The following SLC23A2 variants were observed in gnomAD, a reference collection of about 807,000 sequenced individuals.
SLC23A2 encodes the protein solute carrier family 23 member 2, also known as Na(+)/L-ascorbic acid transporter 2.
Under a neutral mutation model 73.3 loss-of-function variants are expected in SLC23A2, and 36 were observed. The observed-to-expected ratio is 0.49, with a 90% confidence interval of 0.38 to 0.65. The LOEUF (loss-of-function observed/expected upper bound fraction) is 0.65, where lower values mean the gene tolerates loss of function less well. Among genes scored for constraint, SLC23A2 ranks in the 30% least tolerant of loss-of-function variants. The pLI, the probability that SLC23A2 is intolerant of heterozygous loss-of-function variation, is 0.00. For missense variants in SLC23A2, 507 were observed against 841.6 expected (o/e 0.60, Z 4.92); for synonymous variants, 343 against 327.3 (o/e 1.05, Z -0.52).
chr20:4,857,283 TACACACACACACACACACACACACAC>T lies in SLC23A2; in HGVS notation c.1721-105_1721-80del, dbSNP rs398035250. The T allele has an allele frequency of 2.5e-4, 104 of 421,174 alleles. No homozygotes were observed. Among genetic ancestry groups the T allele is most frequent in the Middle Eastern group, 4.8e-4 (1 of 2,084 alleles). 26.1% of individuals were successfully genotyped at this position (421,174 alleles called of 1,614,324 possible). Reference sequence around the variant, plus strand: ...GAAAATGAAACTGTCGTCAAACACATACACACACACACACACACACACACACACACACACACACACACACACACACA... The same window carrying T: ...GAAAATGAAACTGTCGTCAAACACATACACACACACACACACACACACACA... On this transcript the variant is annotated intron_variant, in intron 16 of 16. Transcript: ENST00000338244. The surrounding 1 kb of genome is among the most constrained non-coding windows in gnomAD (Gnocchi z 4.0).
intron 2 of SLC23A2, among the ~76,000 whole-genome samples, chr20:4,945,751 T>C (rs893146316): frequency 6.6e-6 from 1 of 152,096 alleles, no homozygotes; most frequent in Non-Finnish European, 1.5e-5. Flanking sequence ...AAATGCTTCA[T>C]GCTGTGGGTC....
At chr20:4,991,623 G>A (rs759639160) in intron 1 of SLC23A2, among the ~76,000 whole-genome samples, 4 of 151,834 alleles carry the variant, frequency 2.6e-5, no homozygotes, top group East Asian at 1.9e-4. Flanking sequence ...TCAGGAGGCC[G>A]AGGCAGGAGA....
At chr20:4,986,737 C>G (rs1483021342) in intron 1 of SLC23A2, among the ~76,000 whole-genome samples, 1 of 146,950 alleles carries the variant, frequency 6.8e-6, no homozygotes, top group Non-Finnish European at 1.5e-5. Flanking sequence ...AACAAAAAGT[C>G]TGGAAAATAT....
intron 2 of SLC23A2, among the ~76,000 whole-genome samples, chr20:4,956,249 T>C (rs1427379992): frequency 1.3e-5 from 2 of 152,254 alleles, no homozygotes; most frequent in Admixed American, 6.5e-5. Context: ...ATGTTAGATA[T>C]TGACATTTCT....
intron 2 of SLC23A2, among the ~76,000 whole-genome samples, chr20:4,943,041 C>G (rs77446210): frequency 0.017 from 2,521 of 149,244 alleles, 70 homozygotes; most frequent in African/African-American, 0.059. Flanking sequence ...TAGCGAGACT[C>G]TGACTCTACA....
In SLC23A2 at chr20:4,943,872, C is replaced by G. The variant is rs566630014; in HGVS notation, c.-154-11156G>C. Among the ~76,000 whole-genome samples, 20 of 152,170 alleles carry G rather than the reference C, an allele frequency of 1.3e-4. No individual in the cohort carries two copies. The South Asian group carries it at 3.9e-3, about 30-fold the overall frequency. ...ACCAGAGAGCGTCTGCTGACGTGCC[C>G]GACAGCACAAGGGAGCTGCACAGAC... On this transcript the variant is annotated intron_variant, in intron 2 of 16. Coordinates refer to ENST00000338244, the MANE Select transcript of SLC23A2 (RefSeq NM_005116.6).
intron 9 of SLC23A2, among the ~76,000 whole-genome samples, chr20:4,881,426 A>G (rs565867057): frequency 2.0e-5 from 3 of 152,126 alleles, no homozygotes; most frequent in Non-Finnish European, 4.4e-5. Context: ...AGGAGGAGTC[A>G]ATTTTGGTTA....
upstream of SLC23A2, among the ~76,000 whole-genome samples, chr20:5,006,281 T>C (rs1461981997): frequency 1.3e-5 from 2 of 151,684 alleles, no homozygotes; most frequent in African/African-American, 4.8e-5. Context: ...GTATTTTTAG[T>C]AGAGACAGGG....
At chr20:4,987,825 G>A (rs1321871835) in intron 1 of SLC23A2, among the ~76,000 whole-genome samples, 6 of 150,560 alleles carry the variant, frequency 4.0e-5, no homozygotes, top group African/African-American at 1.2e-4. Flanking sequence ...CAGCCTGGGC[G>A]ACAGAGCAGG....
At chr20:4,952,988 A>G (rs550308764) in intron 2 of SLC23A2, among the ~76,000 whole-genome samples, 2 of 149,016 alleles carry the variant, frequency 1.3e-5, no homozygotes, top group East Asian at 2.0e-4. Flanking sequence ...GTGCCACTGC[A>G]CTCCAACCTG....
At chr20:4,882,251 T>C (rs1930917209) in intron 9 of SLC23A2, among the ~76,000 whole-genome samples, 1 of 152,038 alleles carries the variant, frequency 6.6e-6, no homozygotes, top group Non-Finnish European at 1.5e-5. Flanking sequence ...GGTGGGTGCT[T>C]GTAATCCCAG....
chr20:4,968,724 C>CTT (rs10684173), intron 2 of SLC23A2, among the ~76,000 whole-genome samples: 74,975 of 146,934 alleles, frequency 0.51, 19,126 homozygotes, highest in Middle Eastern at 0.57. Context: ...GTGTATTTTT[C>CTT]TTTTTTTTTT....
intron 2 of SLC23A2, among the ~76,000 whole-genome samples, chr20:4,938,133 T>G (rs954146289): frequency 6.0e-5 from 9 of 150,048 alleles, no homozygotes; most frequent in African/African-American, 2.2e-4. Context: ...CAGGCTCAGG[T>G]GATCCTCCCA....
upstream of SLC23A2, among the ~76,000 whole-genome samples, chr20:5,001,738 C>T (rs192124487): frequency 2.1e-3 from 313 of 152,026 alleles, 2 homozygotes; most frequent in African/African-American, 7.1e-3. Context: ...GATCGCCCCC[C>T]TTCGCGACCC....
chr20:4,852,608 A>G lies in SLC23A2; in HGVS notation c.*4364T>C, dbSNP rs1314284950. On this transcript the variant is annotated 3_prime_UTR_variant, in exon 17 of 17. Coordinates refer to ENST00000338244, the MANE Select transcript of SLC23A2 (RefSeq NM_005116.6). The surrounding 1 kb of genome is among the most constrained non-coding windows in gnomAD (Gnocchi z 4.3). ...TAATCAAAATAAAAATAAAAAACAA[A>G]CAAAACCCCAGAAAGGTATATATAG... 3 of 152,628 alleles carry G rather than the reference A, an allele frequency of 2.0e-5. No homozygotes were observed. Among genetic ancestry groups the G allele is most frequent in the African/African-American group, 7.2e-5 (3 of 41,464 alleles). The allele number at this position is 152,628 out of a possible 1,614,324, so 9.5% of individuals were successfully genotyped here. A position where few individuals can be genotyped will look rare whatever the true frequency, so the allele number is the denominator to read the frequency against.
At chr20:4,892,931 C>T (rs918131261) in intron 6 of SLC23A2, among the ~76,000 whole-genome samples, 11 of 152,072 alleles carry the variant, frequency 7.2e-5, no homozygotes, top group South Asian at 2.1e-4. Flanking sequence ...AAGTTAAATA[C>T]GAACTGCATA....
Position 4,983,623 on chromosome 20 carries a change from G to T in SLC23A2, c.-281-12704C>A, listed in dbSNP as rs182893164. The stretch of plus-strand genomic sequence containing the variant: ...ACCGCGCCACTGCACTCCAGCCTGG[G>T]TGACAAAGCAAGACTCCGTCTTTAA... On this transcript the variant is annotated intron_variant, in intron 1 of 16. Transcript: ENST00000338244. Among the ~76,000 whole-genome samples, 1,839 of 145,660 alleles carry T rather than the reference G, an allele frequency of 0.013. 55 individuals are homozygous for T. The South Asian group carries it at 0.14, about 11-fold the overall frequency.
At chr20:4,956,488 G>T (rs1297022502) in intron 2 of SLC23A2, among the ~76,000 whole-genome samples, 2 of 152,134 alleles carry the variant, frequency 1.3e-5, no homozygotes, top group African/African-American at 4.8e-5. Flanking sequence ...CAAACATACA[G>T]AAAAGTAGAC....
rs147407582 is a variant in SLC23A2, at chr20:4,885,754, G to A, written c.571+67C>T. The A allele has an allele frequency of 2.1e-4, 240 of 1,142,638 alleles. No homozygotes were observed. In the African/African-American group the frequency reaches 2.8e-3, roughly 13 times the overall value. The allele number at this position is 1,142,638 out of a possible 1,614,324, so 70.8% of individuals were successfully genotyped here. On this transcript the variant is annotated intron_variant, in intron 7 of 16. Transcript: ENST00000338244. ...GATTTAGCGCTGCTGAGGGCAGCAC[G>A]TCCAGGCCTCCCTTTACACCTGCAT...
Sources: allele counts gnomAD v4.1 joint callset (sites outside exome capture counted in the v4.1 genomes callset), GRCh38; gene constraint gnomAD v4.1.1; non-coding constraint Gnocchi (gnomAD v3.1); transcripts MANE v1.5; gene names NCBI Gene and HGNC (gene_info 2026-07-23, HGNC 2026-07-21).